The following MAGI1 variants were observed in gnomAD, a reference collection of about 807,000 sequenced individuals.
MAGI1 encodes membrane associated guanylate kinase, WW and PDZ domain containing 1, also known as membrane-associated guanylate kinase, WW and PDZ domain-containing protein 1.
A neutral mutation model predicts 139.9 loss-of-function variants in MAGI1; 58 were observed. The observed-to-expected ratio is 0.41, with a 90% CI of 0.34 to 0.52. The LOEUF (loss-of-function observed/expected upper bound fraction) is 0.52. Among genes scored for constraint, MAGI1 ranks in the 20% least tolerant of loss-of-function variants. MAGI1 has a pLI of 0.12. For missense variants in MAGI1, 1,874 were observed against 1,901.6 expected, an observed-to-expected ratio of 0.99 and a Z score of 0.27; for synonymous variants, 812 against 737.9, an observed-to-expected ratio of 1.10 and a Z score of -1.63.
At chr3:65,841,459 T>TTTTTGTTTTTG (rs1559932925) in intron 1 of MAGI1, among the ~76,000 whole-genome samples, 1 of 151,740 alleles carries the variant, frequency 6.6e-6, no homozygotes, top group African/African-American at 2.4e-5. Context: ...TTTTGTTTTT[T>TTTTTGTTTTTG]TTTTGAGATG....
chr3:65,689,968 T>C (rs1267683914), intron 1 of MAGI1, among the ~76,000 whole-genome samples: 1 of 152,152 alleles, frequency 6.6e-6, no homozygotes, highest in South Asian at 2.1e-4. Context: ...TGGGGATCTG[T>C]ATCCCGTGCC....
chr3:65,384,581 A>T (rs1943298898), intron 14 of MAGI1, among the ~76,000 whole-genome samples: 1 of 152,114 alleles, frequency 6.6e-6, no homozygotes, highest in Non-Finnish European at 1.5e-5. Flanking sequence ...CAAAAAATAA[A>T]AAATGAGCCA....
At chr3:65,391,551 G>A (rs1943921637) in intron 13 of MAGI1, among the ~76,000 whole-genome samples, 193 bp from the exon 14 acceptor site, 1 of 152,158 alleles carries the variant, frequency 6.6e-6, no homozygotes, top group Admixed American at 6.5e-5. Flanking sequence ...CAAACAGAGG[G>A]GTGGGCCAGA....
rs1220461988 is a variant in MAGI1 at position 65,582,314 on chromosome 3, C to A, written c.430+39658G>T. ...GTATGTGTTATGTTTCTGATTCTAC[C>A]CAGCACATAGGAAGAGCACCAGGCA... On this transcript the variant is annotated intron_variant, in intron 2 of 22. Transcript: ENST00000402939. Among the ~76,000 whole-genome samples, 3 of 152,106 alleles carry A rather than the reference C, an allele frequency of 2.0e-5. No individual in the cohort carries two copies. In the East Asian group the frequency reaches 5.8e-4, roughly 29 times the overall value.
intron 1 of MAGI1, among the ~76,000 whole-genome samples, chr3:66,019,837 C>T (rs982105149): frequency 2.0e-5 from 3 of 152,196 alleles, no homozygotes; most frequent in Non-Finnish European, 4.4e-5. Flanking sequence ...TTGGAGGTAG[C>T]TGTCAGAAGT....
chr3:65,708,531 A>C (rs1037747432), intron 1 of MAGI1, among the ~76,000 whole-genome samples: 2 of 152,108 alleles, frequency 1.3e-5, no homozygotes, highest in East Asian at 3.9e-4. Context: ...ATTTGGGGAG[A>C]AAGTGCTCAA....
At chr3:65,952,952 C>G (rs2063939379) in intron 1 of MAGI1, among the ~76,000 whole-genome samples, 1 of 152,184 alleles carries the variant, frequency 6.6e-6, no homozygotes, top group Non-Finnish European at 1.5e-5. Context: ...GTTCTAAGGA[C>G]TACAAATACT....
intron 1 of MAGI1, 114 bp from the exon 2 acceptor site, chr3:65,622,202 C>A: frequency 1.3e-6 from 1 of 767,234 alleles, no homozygotes; most frequent in Non-Finnish European, 2.3e-6. Context: ...CCTGCCACCC[C>A]TAGTCATTAG....
At chr3:65,733,905 C>A (rs1324067090) in intron 1 of MAGI1, among the ~76,000 whole-genome samples, 7 of 152,144 alleles carry the variant, frequency 4.6e-5, no homozygotes, top group African/African-American at 1.7e-4. Context: ...TTAATCCACT[C>A]CCAGGGAAGG....
At chr3:65,464,272 C>T (rs1209282331) in intron 5 of MAGI1, among the ~76,000 whole-genome samples, 2 of 151,782 alleles carry the variant, frequency 1.3e-5, no homozygotes, top group African/African-American at 4.8e-5. Flanking sequence ...TATTTCCTTC[C>T]ATCTTTTTGA....
intron 12 of MAGI1, among the ~76,000 whole-genome samples, chr3:65,425,133 CA>C (rs72130952): frequency 5.3e-5 from 4 of 74,830 alleles, no homozygotes; most frequent in Admixed American, 2.4e-4. Context: ...AAAAAAAAAA[CA>C]AAAAAAAACA....
chr3:65,363,380 G>C, intron 21 of MAGI1, 85 bp downstream of exon 21: 1 of 1,431,704 alleles, frequency 7.0e-7, no homozygotes, highest in South Asian at 1.5e-5. Flanking sequence ...TAGTTCTTAT[G>C]AACATGAACA....
At chr3:65,825,403 T>C (rs1239095417) in intron 1 of MAGI1, among the ~76,000 whole-genome samples, 1 of 152,164 alleles carries the variant, frequency 6.6e-6, no homozygotes, top group East Asian at 1.9e-4. Flanking sequence ...GTAGCACTTC[T>C]CCCCAACTTC....
chr3:65,824,851 T>C (rs2108268915), intron 1 of MAGI1, among the ~76,000 whole-genome samples: 1 of 152,360 alleles, frequency 6.6e-6, no homozygotes, highest in East Asian at 1.9e-4. Context: ...TATTTTTTTC[T>C]GTCTTAACCT....
chr3:65,363,915 G>A (rs1941138862), intron 20 of MAGI1, among the ~76,000 whole-genome samples: 1 of 152,140 alleles, frequency 6.6e-6, no homozygotes, highest in Non-Finnish European at 1.5e-5. Flanking sequence ...CTGGCTGCTG[G>A]ATGCCCAGCC....
intron 1 of MAGI1, among the ~76,000 whole-genome samples, chr3:65,802,247 TCTC>T (rs1361367847): frequency 2.0e-5 from 3 of 152,136 alleles, no homozygotes; most frequent in Admixed American, 6.5e-5. Flanking sequence ...CCCTTAAAAT[TCTC>T]CTCCTTCCCT....
chr3:65,761,269 T>C (rs769097708), intron 1 of MAGI1, among the ~76,000 whole-genome samples: 19 of 152,282 alleles, frequency 1.2e-4, no homozygotes, highest in Admixed American at 5.2e-4. Flanking sequence ...ATTTGCCACC[T>C]GATTGTGAAC....
intron 1 of MAGI1, among the ~76,000 whole-genome samples, chr3:65,855,494 C>T (rs2059344125): frequency 1.4e-5 from 2 of 145,284 alleles, no homozygotes. Flanking sequence ...CCTAACTACT[C>T]AGAGACTGAG....
At chr3:65,893,599 C>T (rs1193595528) in intron 1 of MAGI1, among the ~76,000 whole-genome samples, 1 of 152,096 alleles carries the variant, frequency 6.6e-6, no homozygotes, top group Non-Finnish European at 1.5e-5. Context: ...AGAAAACAGA[C>T]ACAAAGAAAT....
Sources: allele counts gnomAD v4.1 joint callset (sites outside exome capture counted in the v4.1 genomes callset), GRCh38; gene constraint gnomAD v4.1.1; transcripts MANE v1.5; gene names NCBI Gene and HGNC (gene_info 2026-07-23, HGNC 2026-07-21).